The following VSX2 variants were observed in gnomAD, a reference collection of about 807,000 sequenced individuals.
VSX2 encodes the protein visual system homeobox 2, also known as ceh-10 homeo domain containing homolog.
A neutral mutation model predicts 32.1 loss-of-function variants in VSX2; 28 were observed. The ratio of observed to expected loss-of-function variants is 0.87; its 90% CI spans 0.65 to 1.20. The LOEUF is 1.20. Among genes scored for constraint, VSX2 ranks in the 50% most tolerant of loss-of-function variants. The pLI is 0.00. For synonymous variants in VSX2, 243 were observed against 214.1 expected (o/e 1.14, Z -1.18); for missense variants, 506 against 488.7 (o/e 1.04, Z -0.33).
At chr14:74,253,764 C>T (rs182402437) in intron 3 of VSX2, among the ~76,000 whole-genome samples, 31 of 152,008 alleles carry the variant, frequency 2.0e-4, no homozygotes, top group Non-Finnish European at 3.8e-4. Context: ...AACCCTGTCT[C>T]TACTAAAAAT....
Position 74,245,299 on chromosome 14 carries a change from T to C in VSX2, c.579+11T>C, listed in dbSNP as rs1305545387. ...GAAGACAGGATACAGGTAACAGCCC[T>C]GAGCCCCTCTCCCCTCCACTCTCCC... On this transcript the variant is annotated intron_variant, in intron 3 of 4. Coordinates refer to ENST00000261980, the MANE Select transcript of VSX2 (RefSeq NM_182894.3). 5 of 1,613,080 alleles carry C rather than the reference T, an allele frequency of 3.1e-6. No homozygotes were observed. The highest frequency in any genetic ancestry group is 2.2e-5 in the East Asian group (1 of 44,822).
chr14:74,260,483 A>T, intron 4 of VSX2, 111 bp from the exon 5 acceptor site: 1 of 1,129,122 alleles, frequency 8.9e-7, no homozygotes, highest in Non-Finnish European at 1.3e-6. Flanking sequence ...TGTGGGGAGT[A>T]AGGCTTTCTG....
intron 3 of VSX2, among the ~76,000 whole-genome samples, 177 bp from the exon 4 acceptor site, chr14:74,259,425 T>C (rs1196444911): frequency 1.3e-5 from 2 of 151,988 alleles, no homozygotes; most frequent in Non-Finnish European, 2.9e-5. Context: ...ATAAGACTGA[T>C]GTCCTCCTTC....
chr14:74,258,487 C>T (rs1262332114), intron 3 of VSX2, among the ~76,000 whole-genome samples: 1 of 152,150 alleles, frequency 6.6e-6, no homozygotes, highest in Non-Finnish European at 1.5e-5. Context: ...CGCCTCGGTC[C>T]TCCCCTCCCG....
chr14:74,254,784 A>ATTTATTTTTTTTTTTTTTTTTTTT (rs2079252167), intron 3 of VSX2, among the ~76,000 whole-genome samples: 1 of 116,612 alleles, frequency 8.6e-6, no homozygotes, highest in Non-Finnish European at 1.8e-5. Flanking sequence ...CGAAAAGTGG[A>ATTTATTTTTTTTTTTTTTTTTTTT]TTTTTTTTTT....
At position 74,242,922 on chromosome 14, in the gene VSX2, A is replaced by G. The variant is rs568192630; in HGVS notation, c.455+1656A>G. ...TGGCACTTAGTGACCGTCTGTTTTC[A>G]TCTGTCACTCTCTTCGCCAGGAACA... is the stretch of plus-strand genomic sequence containing the variant. On this transcript the variant is annotated intron_variant, in intron 2 of 4. Transcript: ENST00000261980. Among the ~76,000 whole-genome samples the G allele has an allele frequency of 3.3e-5, 5 of 152,128 alleles. No individual in the cohort carries two copies. The East Asian group carries it at 9.7e-4, about 29-fold the overall frequency.
Position 74,260,928 on chromosome 14 carries a change from G to A in VSX2, c.*9G>A, listed in dbSNP as rs549537406. On this transcript the variant is annotated 3_prime_UTR_variant, in exon 5 of 5. Coordinates refer to ENST00000261980, the MANE Select transcript of VSX2 (RefSeq NM_182894.3). ...TGGAGGACATGGCTTAGGTCAAGGC[G>A]CGCTCAGATGCCGGAGCCCCAAGAC... 1.2e-5 allele frequency: 19 copies of A among 1,552,210 alleles called. No individual in the cohort carries two copies. Among genetic ancestry groups the A allele is most frequent in the African/African-American group, 1.1e-4 (8 of 73,176 alleles).
intron 2 of VSX2, among the ~76,000 whole-genome samples, chr14:74,244,932 AAG>A (rs1460546083): frequency 2.5e-4 from 9 of 35,516 alleles, no homozygotes; most frequent in African/African-American, 7.8e-4. Context: ...GTGTGTGTGA[AAG>A]AGAGAGAGAA....
intron 3 of VSX2, among the ~76,000 whole-genome samples, chr14:74,250,013 G>A (rs1004097774): frequency 3.3e-5 from 5 of 152,090 alleles, no homozygotes; most frequent in Admixed American, 6.6e-5. Context: ...GCCTAAGGTC[G>A]GAGGGTCACT....
At chr14:74,251,795 C>G (rs896595939) in intron 3 of VSX2, among the ~76,000 whole-genome samples, 1 of 148,530 alleles carries the variant, frequency 6.7e-6, no homozygotes, top group Non-Finnish European at 1.5e-5. Flanking sequence ...TGCAATAAAC[C>G]GCGGGCGAAG....
At chr14:74,242,945 A>G (rs2079160530) in intron 2 of VSX2, among the ~76,000 whole-genome samples, 1 of 152,140 alleles carries the variant, frequency 6.6e-6, no homozygotes, top group African/African-American at 2.4e-5. Flanking sequence ...TTCGCCAGGA[A>G]CACCTTTGGG....
chr14:74,242,356 CCTCTTTGCACCCT>C (rs1323555671), intron 2 of VSX2, among the ~76,000 whole-genome samples: 2 of 152,168 alleles, frequency 1.3e-5, no homozygotes, highest in Non-Finnish European at 2.9e-5. Flanking sequence ...TTGTTTTCAG[CCTCTTTGCACCCT>C]CTCTGCGCTT....
chr14:74,254,575 T>G (rs1292677060), intron 3 of VSX2, among the ~76,000 whole-genome samples: 3 of 152,092 alleles, frequency 2.0e-5, no homozygotes, highest in African/African-American at 7.2e-5. Flanking sequence ...CTGTTGTTAT[T>G]ATTATTTGTA....
chr14:74,241,316 G>C, intron 2 of VSX2, 50 bp downstream of exon 2: 1 of 1,582,530 alleles, frequency 6.3e-7, no homozygotes, highest in Non-Finnish European at 8.6e-7. Flanking sequence ...CCCCGCTGCC[G>C]TCCCCCGTTC....
intron 3 of VSX2, among the ~76,000 whole-genome samples, chr14:74,246,074 G>A (rs575476000): frequency 3.9e-4 from 60 of 152,388 alleles, no homozygotes; most frequent in African/African-American, 1.4e-3. Context: ...TTTCTCTGGG[G>A]GAGGATGGAG....
chr14:74,258,590 C>T (rs1314134874), intron 3 of VSX2, among the ~76,000 whole-genome samples: 1 of 152,124 alleles, frequency 6.6e-6, no homozygotes, highest in Non-Finnish European at 1.5e-5. Context: ...AGGCTTGGGG[C>T]GCACCATTAC....
intron 3 of VSX2, among the ~76,000 whole-genome samples, chr14:74,249,225 C>T (rs1424437473): frequency 6.6e-6 from 1 of 152,192 alleles, no homozygotes; most frequent in African/African-American, 2.4e-5. Flanking sequence ...TAAGTACTCA[C>T]CATTGTCCCA....
intron 3 of VSX2, among the ~76,000 whole-genome samples, chr14:74,248,102 C>G (rs896885230): frequency 6.6e-6 from 1 of 152,052 alleles, no homozygotes; most frequent in East Asian, 1.9e-4. Flanking sequence ...TGACTTCCCT[C>G]CCCATCATTT....
In VSX2 at chr14:74,239,675, G is replaced by C; in HGVS notation, c.114G>C (p.Leu38=). Residue 38 remains leucine (L), a synonymous_variant, in exon 1 of 5, where the codon CTG becomes CTC. Coordinates refer to ENST00000261980, the MANE Select transcript of VSX2 (RefSeq NM_182894.3). ...RCTGFGIQEI[L]GLNKEPPSSH... ...CTGGGTTCGGCATCCAGGAGATCCT[G>C]GGCTTGAACAAGGAGCCCCCGAGCT... 6.4e-7 allele frequency: 1 copy of C among 1,550,478 alleles called. No individual in the cohort carries two copies. Among genetic ancestry groups the C allele is most frequent in the Non-Finnish European group, 8.7e-7 (1 of 1,146,918 alleles).
Sources: allele counts gnomAD v4.1 joint callset (sites outside exome capture counted in the v4.1 genomes callset), GRCh38; gene constraint gnomAD v4.1.1; transcripts MANE v1.5; gene names NCBI Gene and HGNC (gene_info 2026-07-23, HGNC 2026-07-21).